Variants in PCNX1 observed in about 807,000 individuals in gnomAD.
PCNX1 encodes the protein pecanex 1, also known as pecanex-like protein 1.
In PCNX1, 78 loss-of-function variants were observed where a neutral mutation model predicts 242.2. The observed-to-expected ratio is 0.32, with a 90% confidence interval of 0.27 to 0.39. The LOEUF (loss-of-function observed/expected upper bound fraction) is 0.39. Among genes scored for constraint, PCNX1 ranks in the 10% least tolerant of loss-of-function variants. The probability of loss-of-function intolerance (pLI) is 1.00; values close to 1 mark genes in which losing one functional copy is unlikely to be tolerated. For synonymous variants in PCNX1, 1,024 were observed against 1,032.9 expected (o/e 0.99, Z 0.17); for missense variants, 2,581 against 2,856.5 (o/e 0.90, Z 2.20).
At chr14:70,934,860 C>T (rs1403065538) in intron 1 of PCNX1, among the ~76,000 whole-genome samples, 1 of 152,116 alleles carries the variant, frequency 6.6e-6, no homozygotes, top group Non-Finnish European at 1.5e-5. Context: ...CAATGTGAAT[C>T]ACAATTACAG....
intron 26 of PCNX1, among the ~76,000 whole-genome samples, chr14:71,064,521 G>A (rs1232255652): frequency 6.6e-6 from 1 of 152,096 alleles, no homozygotes; most frequent in East Asian, 1.9e-4. Context: ...CAGCTCTTGT[G>A]TTATTTCGTC....
chr14:71,012,952 A>G (rs1316921296), intron 10 of PCNX1, 33 bp from the exon 11 acceptor site: 1 of 1,316,034 alleles, frequency 7.6e-7, no homozygotes. Context: ...TATTGAAGAT[A>G]TTTTAAGCCT....
chr14:71,050,603 C>G, intron 22 of PCNX1, 49 bp from the exon 23 acceptor site: 1 of 1,482,788 alleles, frequency 6.7e-7, no homozygotes, highest in East Asian at 2.4e-5. Context: ...ATTCAAATAT[C>G]TGATAAGTTT....
chr14:71,106,468 C>A (rs138871563), intron 33 of PCNX1, among the ~76,000 whole-genome samples: 6 of 151,810 alleles, frequency 4.0e-5, no homozygotes, highest in Middle Eastern at 3.4e-3. Flanking sequence ...AGGTTAGAGA[C>A]TTTAAAAATG....
intron 28 of PCNX1, among the ~76,000 whole-genome samples, chr14:71,087,325 A>T (rs2062019452): frequency 6.6e-6 from 1 of 152,212 alleles, no homozygotes; most frequent in African/African-American, 2.4e-5. Flanking sequence ...ATTGGCAAGC[A>T]ACTAGGATAT....
chr14:70,972,259 A>G (rs1423629363), intron 5 of PCNX1, among the ~76,000 whole-genome samples: 1 of 147,270 alleles, frequency 6.8e-6, no homozygotes, highest in African/African-American at 2.5e-5. Context: ...CAGGGTGGGG[A>G]GAGCAAGGGG....
At chr14:70,968,347 C>A in intron 4 of PCNX1, 104 bp downstream of exon 4, 1 of 652,038 alleles carries the variant, frequency 1.5e-6, no homozygotes, top group South Asian at 2.3e-5. Context: ...AAAAATCATT[C>A]TTGAAATTCT....
intron 30 of PCNX1, among the ~76,000 whole-genome samples, chr14:71,090,340 TGTGATAAGACTCATTAAA>T (rs2062096951): frequency 6.6e-6 from 1 of 152,344 alleles, no homozygotes; most frequent in East Asian, 1.9e-4. Context: ...ATAGAGACCC[TGTGATAAGACTCATTAAA>T]GTGTATCTGC....
chr14:71,040,583 A>G (rs1255615818), intron 19 of PCNX1, among the ~76,000 whole-genome samples: 1 of 152,094 alleles, frequency 6.6e-6, no homozygotes, highest in Non-Finnish European at 1.5e-5. Flanking sequence ...AGATACTTTG[A>G]TACAGGCATG....
intron 8 of PCNX1, among the ~76,000 whole-genome samples, chr14:71,008,808 T>C (rs2059741452): frequency 6.6e-6 from 1 of 152,118 alleles, no homozygotes; most frequent in Non-Finnish European, 1.5e-5. Context: ...TCGTGGAAAT[T>C]TATATTAATT....
chr14:71,051,274 G>A (rs1411427633), intron 23 of PCNX1, among the ~76,000 whole-genome samples: 1 of 149,986 alleles, frequency 6.7e-6, no homozygotes, highest in African/African-American at 2.5e-5. Flanking sequence ...CAGATCATCT[G>A]AACATAAGAA....
Position 70,977,565 on chromosome 14 carries a change from A to T in PCNX1, c.1228A>T (p.Ile410Leu). ...AAGTGAGCAGACCAGCTCAACTCAC[A>T]TAGAGAGCATCCTGTCAGAGCATGA... The part of the protein sequence containing the change: ...YKSEQTSSTH[I>L]ESILSEHEES... Residue 410 changes from isoleucine to leucine, a missense_variant, in exon 6 of 36, where the codon ATA (isoleucine) becomes TTA (leucine). Coordinates refer to ENST00000304743, the MANE Select transcript of PCNX1 (RefSeq NM_014982.3). 3 of 1,614,236 alleles carry T rather than the reference A, an allele frequency of 1.9e-6. No homozygotes were observed. Among genetic ancestry groups the T allele is most frequent in the Non-Finnish European group, 2.5e-6 (3 of 1,180,040 alleles).
intron 1 of PCNX1, among the ~76,000 whole-genome samples, chr14:70,925,542 G>A (rs906066327): frequency 1.3e-5 from 2 of 149,832 alleles, no homozygotes; most frequent in African/African-American, 4.9e-5. Flanking sequence ...TGTATTCTGA[G>A]GGCTCACAAA....
intron 2 of PCNX1, among the ~76,000 whole-genome samples, chr14:70,957,619 G>C (rs1005076102): frequency 6.6e-6 from 1 of 152,156 alleles, no homozygotes; most frequent in Non-Finnish European, 1.5e-5. Context: ...GGCTAAGGAG[G>C]ATGGAAAGGG....
intron 5 of PCNX1, among the ~76,000 whole-genome samples, chr14:70,972,092 TCTGA>T (rs1294760340): frequency 6.6e-6 from 1 of 152,254 alleles, no homozygotes; most frequent in African/African-American, 2.4e-5. Flanking sequence ...TGAGAAGTAG[TCTGA>T]CTGTGTGTGT....
intron 2 of PCNX1, among the ~76,000 whole-genome samples, chr14:70,950,541 C>T (rs1257834968): frequency 6.6e-6 from 1 of 151,996 alleles, no homozygotes; most frequent in East Asian, 1.9e-4. Context: ...TATAAGTTTT[C>T]CAATATGTAT....
chr14:70,909,097 G>A (rs2055709931), intron 1 of PCNX1, among the ~76,000 whole-genome samples: 1 of 152,124 alleles, frequency 6.6e-6, no homozygotes, highest in African/African-American at 2.4e-5. Flanking sequence ...AGAAAATCCC[G>A]GAGGACCACT....
intron 8 of PCNX1, among the ~76,000 whole-genome samples, chr14:71,002,229 C>A (rs1359502056): frequency 6.6e-6 from 1 of 152,116 alleles, no homozygotes; most frequent in Non-Finnish European, 1.5e-5. Context: ...TAAATGGAAC[C>A]ATGAAACAGA....
At chr14:70,946,844 T>A in intron 1 of PCNX1, 71 bp from the exon 2 acceptor site, 1 of 1,070,842 alleles carries the variant, frequency 9.3e-7, no homozygotes, top group Non-Finnish European at 1.4e-6. Context: ...TTATTTTAGA[T>A]ACAGATTTAT....
Sources: gnomAD v4.1 joint callset for allele counts (sites outside exome capture counted in the v4.1 genomes callset) on GRCh38, gnomAD v4.1.1 for gene constraint, MANE v1.5 for transcripts, NCBI Gene and HGNC (gene_info 2026-07-23, HGNC 2026-07-21) for gene names.